Variants in SPATA7 observed in about 807,000 individuals in gnomAD.
SPATA7 encodes the protein spermatogenesis-associated protein 7.
Under a neutral mutation model 51.8 loss-of-function variants are expected in SPATA7, and 43 were observed. The observed-to-expected ratio is 0.83, with a 90% CI of 0.65 to 1.07. The LOEUF (loss-of-function observed/expected upper bound fraction) is 1.07, where lower values mean the gene tolerates loss of function less well. Ranked by LOEUF, SPATA7 falls within the 50% of genes least tolerant of loss-of-function variation. The probability of loss-of-function intolerance (pLI) is 0.00; values close to 1 mark genes in which losing one functional copy is unlikely to be tolerated. For synonymous variants in SPATA7, 230 were observed against 252.8 expected, an observed-to-expected ratio of 0.91 and a Z score of 0.86; for missense variants, 683 against 701.3, an observed-to-expected ratio of 0.97 and a Z score of 0.30.
Position 88,437,834 on chromosome 14 carries a change from C to G in SPATA7, c.1216-4C>G. On this transcript the variant is annotated splice_region_variant and splice_polypyrimidine_tract_variant and intron_variant, in intron 11 of 11. Transcript: ENST00000393545. ...TAATTAGTCTCATCTTTTCTTAATC[C>G]TAGGAAAAAATGCGCCACCTGCTGC... 6.3e-7 allele frequency: 1 copy of G among 1,585,454 alleles called. No homozygotes were observed. Among genetic ancestry groups the G allele is most frequent in the East Asian group, 2.2e-5 (1 of 44,656 alleles).
At chr14:88,391,627 C>CT (rs1183217490) in intron 2 of SPATA7, 172 bp downstream of exon 2, 1 of 687,824 alleles carries the variant, frequency 1.5e-6, no homozygotes, top group African/African-American at 1.8e-5. Context: ...ATTTTGGAGT[C>CT]TATGATTTCA....
chr14:88,466,241 T>A, intron 4 of SPATA7: 1 of 152,210 alleles, frequency 6.6e-6, no homozygotes, highest in East Asian at 1.9e-4. Flanking sequence ...TTACATTTTG[T>A]TCCTACAAAA....
chr14:88,468,600 C>G (rs545889860), intron 4 of SPATA7, among the ~76,000 whole-genome samples: 2 of 152,254 alleles, frequency 1.3e-5, no homozygotes, highest in East Asian at 3.9e-4. Context: ...CTATTTCCCT[C>G]AAGGGCTCTG....
At chr14:88,396,666 T>A (rs1160095449) in intron 4 of SPATA7, among the ~76,000 whole-genome samples, 6 of 152,160 alleles carry the variant, frequency 3.9e-5, no homozygotes, top group African/African-American at 4.8e-5. Context: ...TACTTATGCA[T>A]TCGTCAGTTG....
At chr14:88,421,983 G>C (rs2076658942) in intron 5 of SPATA7, among the ~76,000 whole-genome samples, 1 of 151,648 alleles carries the variant, frequency 6.6e-6, no homozygotes. Flanking sequence ...TGCAGGACTT[G>C]GTGACTGAGT....
chr14:88,437,745 G>A (rs550833428), intron 11 of SPATA7, 93 bp from the exon 12 acceptor site: 14 of 1,397,316 alleles, frequency 1.0e-5, no homozygotes, highest in South Asian at 1.4e-5. Context: ...GAAGTGAAAG[G>A]AAAAGTATTA....
chr14:88,439,824 C>A (rs2077165264), downstream of SPATA7, among the ~76,000 whole-genome samples: 1 of 152,150 alleles, frequency 6.6e-6, no homozygotes, highest in Non-Finnish European at 1.5e-5. Context: ...GCACCCAACC[C>A]ACTTTTCACC....
intron 4 of SPATA7, chr14:88,414,609 G>C (rs1035177119): frequency 5.4e-6 from 2 of 367,622 alleles, no homozygotes; most frequent in African/African-American, 4.4e-5. Context: ...ATTAGTTCTT[G>C]TTATTCTACT....
intron 3 of SPATA7, among the ~76,000 whole-genome samples, chr14:88,445,634 G>A (rs1365290401): frequency 1.3e-5 from 2 of 151,764 alleles, no homozygotes; most frequent in African/African-American, 4.8e-5. Context: ...GTCATAGATA[G>A]CTCTTATTAT....
downstream of SPATA7, among the ~76,000 whole-genome samples, chr14:88,455,913 C>A (rs1023769533): frequency 1.4e-5 from 2 of 143,132 alleles, no homozygotes; most frequent in Non-Finnish European, 3.0e-5. Context: ...GTGTGATGTT[C>A]CCCTTCCTGT....
At chr14:88,387,228 C>A (rs74071518) in intron 1 of SPATA7, among the ~76,000 whole-genome samples, 5,431 of 152,010 alleles carry the variant, frequency 0.036, 294 homozygotes, top group African/African-American at 0.12. Context: ...ATAAATGTAA[C>A]ATTTAGAGTA....
rs1261739206 is a variant in SPATA7 at position 88,396,868 on chromosome 14, C to CTT, written c.238+670_238+671dup. ...CTACCATACTATTTTCTTTTCTTTT[C>CTT]TTTTTTCTTTTTTTTTTTTTGAGAC... On this transcript the variant is annotated intron_variant, in intron 4 of 11. Transcript: ENST00000393545. 1.2e-3 allele frequency among the ~76,000 whole-genome samples: 119 copies of CTT among 101,188 alleles called. 1 individual carries two copies. The highest frequency in any genetic ancestry group is 2.9e-3 in the African/African-American group (105 of 35,606). The allele number at this position is 101,188 out of a possible 152,430, so 66.4% of individuals were successfully genotyped here.
chr14:88,385,972 G>A, intron 1 of SPATA7, 135 bp downstream of exon 1: 1 of 1,526,704 alleles, frequency 6.6e-7, no homozygotes, highest in Non-Finnish European at 8.8e-7. Context: ...CGCCAGTGTT[G>A]CCTGGAGCTG....
In SPATA7 at chr14:88,419,068, G is replaced by A. The variant is rs192321737; in HGVS notation, c.372+2224G>A. Among the ~76,000 whole-genome samples, 957 of 152,078 alleles carry A rather than the reference G, an allele frequency of 6.3e-3. 10 individuals are homozygous for A. The highest frequency in any genetic ancestry group is 0.017 in the South Asian group (83 of 4,822). The stretch of plus-strand genomic sequence containing the variant: ...ATATATAGTATATTCATTAAACTTT[G>A]TATTTTCCAGATATTCAAATCTTTT... On this transcript the variant is annotated intron_variant, in intron 5 of 11. Transcript: ENST00000393545.
chr14:88,429,352 C>T lies in SPATA7; in HGVS notation c.917C>T (p.Ser306Phe), dbSNP rs1385243992. ...TDSEMNIKQA[S>F]NCVTYDAKEK... ...TTTTTTTTATTGCATCCCCAGGCAT[C>T]TAATTGTGTGACATATGATGCCAAA... The change falls in exon 8 of 12, where the codon TCT becomes TTT. Residue 306 changes from serine (S) to phenylalanine (F), a missense_variant. Ser to Phe is a radical substitution (Grantham distance 155, BLOSUM62 -2). Transcript: ENST00000393545. 3 of 1,594,094 alleles carry T rather than the reference C, an allele frequency of 1.9e-6. No homozygotes were observed. Among genetic ancestry groups the T allele is most frequent in the African/African-American group, 2.7e-5 (2 of 74,308 alleles).
chr14:88,470,298 ACCTTGCTGAAT>A (rs1425551345), exon 5 of SPATA7: 3 of 488,514 alleles, frequency 6.1e-6, no homozygotes, highest in Non-Finnish European at 3.7e-6. Flanking sequence ...AACCTGTTTA[ACCTTGCTGAAT>A]GTCAGTTCTC....
chr14:88,425,380 G>A (rs1423050565), intron 5 of SPATA7, among the ~76,000 whole-genome samples: 1 of 151,910 alleles, frequency 6.6e-6, no homozygotes, highest in African/African-American at 2.4e-5. Flanking sequence ...GATATAATTG[G>A]CTAAATCCTA....
In SPATA7 at chr14:88,469,828, C is replaced by T; in HGVS notation, c.255-19C>T. On this transcript the variant is annotated intron_variant, in intron 4 of 4. Transcript: ENST00000556406. The surrounding 1 kb of genome is among the most constrained non-coding windows in gnomAD (Gnocchi z 4.3). ...ATCTGAAACAGAACCACAACCCTAC[C>T]CTGCCTTTTTCTCCACAGGTCAGGA... 6.2e-7 allele frequency: 1 copy of T among 1,602,554 alleles called. No individual in the cohort carries two copies. The highest frequency in any genetic ancestry group is 1.3e-5 in the African/African-American group (1 of 74,800).
At chr14:88,404,039 A>G (rs1336309910) in intron 4 of SPATA7, among the ~76,000 whole-genome samples, 1 of 152,150 alleles carries the variant, frequency 6.6e-6, no homozygotes, top group Non-Finnish European at 1.5e-5. Context: ...TACCTTAACA[A>G]AGCTGAAAAA....
Sources: gnomAD v4.1 joint callset for allele counts (sites outside exome capture counted in the v4.1 genomes callset) on GRCh38, gnomAD v4.1.1 for gene constraint, Gnocchi (gnomAD v3.1) non-coding constraint, MANE v1.5 for transcripts, NCBI Gene and HGNC (gene_info 2026-07-23, HGNC 2026-07-21) for gene names.